Variants in MYLK observed in about 807,000 individuals in gnomAD.
The protein encoded by MYLK is myosin light chain kinase, also known as myosin light chain kinase, smooth muscle.
Under a neutral mutation model 203.4 loss-of-function variants are expected in MYLK, and 106 were observed. The observed-to-expected ratio is 0.52, with a 90% CI of 0.45 to 0.61. The LOEUF is 0.61. MYLK is among the 20% of genes least tolerant of loss of function. MYLK has a pLI of 0.00. For missense variants in MYLK, 2,072 were observed against 2,442.3 expected, an observed-to-expected ratio of 0.85 and a Z score of 3.20; for synonymous variants, 867 against 959.5, an observed-to-expected ratio of 0.90 and a Z score of 1.78.
At chr3:123,738,838 G>C (rs2062764763) in intron 7 of MYLK, 59 bp downstream of exon 7, 3 of 1,561,938 alleles carry the variant, frequency 1.9e-6, no homozygotes, top group Non-Finnish European at 2.6e-6. Flanking sequence ...ATGTCTATTA[G>C]CAGCATGAGA....
intron 2 of MYLK, among the ~76,000 whole-genome samples, chr3:123,868,612 T>C (rs934036732): frequency 4.6e-5 from 7 of 152,184 alleles, no homozygotes; most frequent in Non-Finnish European, 8.8e-5. Flanking sequence ...TGAGCACTAA[T>C]TTATACCCTG....
chr3:123,853,332 G>C (rs1458988674), intron 2 of MYLK, among the ~76,000 whole-genome samples: 1 of 152,092 alleles, frequency 6.6e-6, no homozygotes, highest in Non-Finnish European at 1.5e-5. Flanking sequence ...GGACTCAGCT[G>C]CACTATTTCT....
intron 23 of MYLK, among the ~76,000 whole-genome samples, chr3:123,661,479 C>G (rs1244836928): frequency 1.3e-5 from 2 of 152,142 alleles, no homozygotes; most frequent in African/African-American, 2.4e-5. Context: ...CAAATAAACA[C>G]CTGGAGTCAC....
intron 2 of MYLK, among the ~76,000 whole-genome samples, chr3:123,855,714 T>C (rs2031308574): frequency 6.6e-6 from 1 of 152,116 alleles, no homozygotes; most frequent in African/African-American, 2.4e-5. Flanking sequence ...AGATCATCTG[T>C]GAATGCCAAC....
chr3:123,802,524 C>G (rs750705021), intron 3 of MYLK, among the ~76,000 whole-genome samples: 9 of 152,258 alleles, frequency 5.9e-5, no homozygotes, highest in Non-Finnish European at 1.0e-4. Context: ...GCAACACAAC[C>G]CTGGTGCCCA....
At chr3:123,682,129 G>C (rs1263125714) in intron 20 of MYLK, 95 bp downstream of exon 20, 4 of 938,044 alleles carry the variant, frequency 4.3e-6, no homozygotes, top group African/African-American at 1.6e-5. Context: ...GCAAGAGTGA[G>C]TGACCAGAAA....
intron 3 of MYLK, chr3:123,814,120 C>A: frequency 2.8e-6 from 1 of 356,114 alleles, no homozygotes. Flanking sequence ...TGTGTAGGCA[C>A]TGACCCAGAA....
intron 20 of MYLK, among the ~76,000 whole-genome samples, chr3:123,677,947 G>A (rs1292551311): frequency 2.4e-5 from 3 of 124,064 alleles, no homozygotes; most frequent in Non-Finnish European, 5.0e-5. Context: ...AGTACATCCT[G>A]AGACTGCAGC....
At chr3:123,789,274 C>A (rs561173613) in intron 4 of MYLK, among the ~76,000 whole-genome samples, 1 of 152,108 alleles carries the variant, frequency 6.6e-6, no homozygotes, top group African/African-American at 2.4e-5. Flanking sequence ...ACACAGAGCG[C>A]GCGTCTGAAT....
chr3:123,656,401 A>G (rs2059389787), intron 24 of MYLK, among the ~76,000 whole-genome samples: 1 of 152,208 alleles, frequency 6.6e-6, no homozygotes, highest in Admixed American at 6.5e-5. Flanking sequence ...ATGCCCTTTT[A>G]GTCTTACTTC....
intron 3 of MYLK, among the ~76,000 whole-genome samples, chr3:123,823,013 T>C (rs1345432129): frequency 6.6e-6 from 1 of 152,298 alleles, no homozygotes; most frequent in East Asian, 1.9e-4. Context: ...CGAACACATA[T>C]GAAAGCAGGA....
chr3:123,723,059 C>T (rs2062150855), intron 12 of MYLK, among the ~76,000 whole-genome samples: 1 of 151,984 alleles, frequency 6.6e-6, no homozygotes, highest in South Asian at 2.1e-4. Context: ...TGTGACTTTT[C>T]ATTTCCAGGA....
At chr3:123,622,659 G>T (rs1348921317) in intron 31 of MYLK, 2 of 152,146 alleles carry the variant, frequency 1.3e-5, no homozygotes, top group Non-Finnish European at 2.9e-5. Flanking sequence ...CACATAGGGA[G>T]AACTTTTCTA....
Position 123,629,700 on chromosome 3 carries a change from C to A in MYLK, c.4962-74G>T. 6.4e-7 allele frequency: 1 copy of A among 1,567,084 alleles called. No individual in the cohort carries two copies. Among genetic ancestry groups the A allele is most frequent in the South Asian group, 1.1e-5 (1 of 89,658 alleles). ...CGACCAGGTGAGTGGTAACTGAGGT[C>A]AAAGGCGAGGGTCGGCCAGCCTCCC... On this transcript the variant is annotated intron_variant, in intron 29 of 33. Transcript: ENST00000360304. This position sits in a 1 kb window ranked among gnomAD's most constrained non-coding sequence, Gnocchi z 4.4.
chr3:123,835,270 C>T (rs1462287975), intron 2 of MYLK, among the ~76,000 whole-genome samples: 2 of 152,144 alleles, frequency 1.3e-5, no homozygotes, highest in African/African-American at 4.8e-5. Flanking sequence ...GATGCAGGCT[C>T]AAGGTTGAGA....
chr3:123,666,604 C>T (rs1328345335), intron 21 of MYLK, among the ~76,000 whole-genome samples: 23 of 152,176 alleles, frequency 1.5e-4, no homozygotes, highest in Admixed American at 1.5e-3. Flanking sequence ...ATGGGTTGTA[C>T]TGGAATTTGT....
intron 4 of MYLK, among the ~76,000 whole-genome samples, chr3:123,756,030 G>A (rs1260742142): frequency 1.3e-5 from 2 of 152,138 alleles, no homozygotes; most frequent in Non-Finnish European, 1.5e-5. Flanking sequence ...AAAGCCAGTC[G>A]TTTTACTGGG....
intron 3 of MYLK, among the ~76,000 whole-genome samples, chr3:123,809,660 C>T (rs942935354): frequency 6.6e-6 from 1 of 152,232 alleles, no homozygotes; most frequent in Non-Finnish European, 1.5e-5. Context: ...GCAGCTCAGA[C>T]ACACTATCCT....
intron 21 of MYLK, chr3:123,666,778 G>T: frequency 1.9e-6 from 1 of 525,806 alleles, no homozygotes; most frequent in Non-Finnish European, 3.4e-6. Flanking sequence ...GACACACAGA[G>T]CTGGGCACAA....
Sources: gnomAD v4.1 joint callset for allele counts (sites outside exome capture counted in the v4.1 genomes callset) on GRCh38, gnomAD v4.1.1 for gene constraint, Gnocchi (gnomAD v3.1) non-coding constraint, MANE v1.5 for transcripts, NCBI Gene and HGNC (gene_info 2026-07-23, HGNC 2026-07-21) for gene names.